GRK5: variants seen among roughly 807,000 people sequenced by gnomAD.
GRK5 encodes the protein g protein-coupled receptor kinase GRK5.
GRK5 carries 40 observed loss-of-function variants against 78.4 expected under a neutral mutation model. The observed-to-expected ratio is 0.51, with a 90% CI of 0.40 to 0.66. GRK5 has a LOEUF of 0.66. Ranked by LOEUF, GRK5 falls within the 30% of genes least tolerant of loss-of-function variation. GRK5 has a pLI of 0.00. For synonymous variants in GRK5, 289 were observed against 296.8 expected, an observed-to-expected ratio of 0.97 and a Z score of 0.27; for missense variants, 598 against 759.9, an observed-to-expected ratio of 0.79 and a Z score of 2.50.
chr10:119,316,672 GC>G (rs1353764743), intron 1 of GRK5, among the ~76,000 whole-genome samples: 7 of 152,328 alleles, frequency 4.6e-5, no homozygotes, highest in Non-Finnish European at 8.8e-5. Context: ...AGGGAGAGGT[GC>G]CCAGGGCAAG....
At chr10:119,297,727 T>C (rs1850107220) in intron 1 of GRK5, among the ~76,000 whole-genome samples, 1 of 152,206 alleles carries the variant, frequency 6.6e-6, no homozygotes, top group Admixed American at 6.5e-5. Flanking sequence ...CACAGAGTGA[T>C]GTAGCGCGAA....
intron 1 of GRK5, among the ~76,000 whole-genome samples, chr10:119,316,591 G>A (rs1026688777): frequency 2.0e-5 from 3 of 152,148 alleles, no homozygotes; most frequent in Non-Finnish European, 4.4e-5. Context: ...AGACTCCCTC[G>A]CAGAACCCAG....
At chr10:119,259,936 A>G (rs924717015) in intron 1 of GRK5, among the ~76,000 whole-genome samples, 9 of 152,214 alleles carry the variant, frequency 5.9e-5, no homozygotes, top group Admixed American at 6.5e-5. Context: ...TTCTATGAAC[A>G]TAAGTTGTCA....
At chr10:119,422,134 T>C (rs1371524352) in intron 4 of GRK5, among the ~76,000 whole-genome samples, 1 of 150,426 alleles carries the variant, frequency 6.6e-6, no homozygotes, top group East Asian at 2.0e-4. Flanking sequence ...TAAAAACCCA[T>C]CTCAAAGCCC....
chr10:119,447,760 C>T (rs11198929), intron 12 of GRK5, among the ~76,000 whole-genome samples: 50,465 of 152,106 alleles, frequency 0.33, 8,607 homozygotes, highest in Middle Eastern at 0.45. Flanking sequence ...TGCAAATTAG[C>T]TGAGTATGTG....
chr10:119,416,823 A>G (rs4752303), intron 4 of GRK5, among the ~76,000 whole-genome samples: 89,725 of 152,002 alleles, frequency 0.59, 27,383 homozygotes, highest in East Asian at 0.8. Flanking sequence ...CGAACTCCTG[A>G]CCTCAAGTGA....
chr10:119,391,062 A>G (rs1292563008), intron 3 of GRK5, among the ~76,000 whole-genome samples: 1 of 152,308 alleles, frequency 6.6e-6, no homozygotes, highest in African/African-American at 2.4e-5. Context: ...TGGCTGTGGT[A>G]CCTCAGGAAA....
At chr10:119,443,519 CCTCT>C in intron 11 of GRK5, 21 bp from the exon 12 acceptor site, 1 of 1,584,794 alleles carries the variant, frequency 6.3e-7, no homozygotes, top group Non-Finnish European at 8.6e-7. Flanking sequence ...CCTCCTCACT[CCTCT>C]CTCCTCTCCT....
intron 1 of GRK5, among the ~76,000 whole-genome samples, chr10:119,209,497 T>G (rs1216523596): frequency 1.1e-4 from 6 of 55,778 alleles, no homozygotes; most frequent in Admixed American, 6.8e-4. Context: ...GTTTTTTTTT[T>G]TTTTTTTTTT....
chr10:119,222,878 C>T (rs955499190), intron 1 of GRK5, among the ~76,000 whole-genome samples: 5 of 152,160 alleles, frequency 3.3e-5, no homozygotes, highest in African/African-American at 1.2e-4. Context: ...AAAAGGGGCC[C>T]GCATGGGTGG....
At chr10:119,419,406 G>A (rs971322154) in intron 4 of GRK5, among the ~76,000 whole-genome samples, 3 of 152,198 alleles carry the variant, frequency 2.0e-5, no homozygotes, top group South Asian at 2.1e-4. Context: ...ACAACTACTC[G>A]CTTCTTACCC....
chr10:119,318,191 C>T (rs1564889221), intron 1 of GRK5, among the ~76,000 whole-genome samples: 1 of 152,222 alleles, frequency 6.6e-6, no homozygotes. Context: ...GAACATTAGA[C>T]TAAGAGTCAG....
chr10:119,453,782 G>T (rs1889428), intron 15 of GRK5, among the ~76,000 whole-genome samples: 2 of 152,150 alleles, frequency 1.3e-5, no homozygotes, highest in East Asian at 3.9e-4. Flanking sequence ...AGAACTGGGG[G>T]TAGAAGCTGA....
chr10:119,330,172 C>T (rs951270180), intron 2 of GRK5: 1 of 152,096 alleles, frequency 6.6e-6, no homozygotes, highest in Admixed American at 6.6e-5. Flanking sequence ...TTTTCTCCTT[C>T]ATGTAACCTA....
chr10:119,403,036 A>T (rs1175529015), intron 4 of GRK5, among the ~76,000 whole-genome samples: 3 of 152,162 alleles, frequency 2.0e-5, no homozygotes, highest in Admixed American at 1.3e-4. Context: ...AAACTGTTGT[A>T]CCTGTTAGCA....
intron 2 of GRK5, among the ~76,000 whole-genome samples, chr10:119,353,616 C>T (rs576356389): frequency 9.2e-5 from 14 of 152,270 alleles, no homozygotes; most frequent in African/African-American, 2.4e-4. Context: ...GGTTCAGCTG[C>T]GGCCTCTGGC....
At chr10:119,255,732 C>CT (rs936572826) in intron 1 of GRK5, among the ~76,000 whole-genome samples, 1 of 152,186 alleles carries the variant, frequency 6.6e-6, no homozygotes, top group African/African-American at 2.4e-5. Flanking sequence ...ACACGGGCTC[C>CT]TTGAGGGACA....
intron 9 of GRK5, 29 bp downstream of exon 9, chr10:119,436,870 G>T: frequency 6.4e-7 from 1 of 1,559,284 alleles, no homozygotes; most frequent in Non-Finnish European, 8.7e-7. Flanking sequence ...GGACTTCCAA[G>T]TCTAAGTCCG....
intron 4 of GRK5, among the ~76,000 whole-genome samples, chr10:119,410,239 G>T (rs1166664808): frequency 6.6e-6 from 1 of 152,188 alleles, no homozygotes; most frequent in African/African-American, 2.4e-5. Context: ...GGGTCACTGT[G>T]TATTTTCCTT....
Sources: gnomAD v4.1 joint callset for allele counts (sites outside exome capture counted in the v4.1 genomes callset) on GRCh38, gnomAD v4.1.1 for gene constraint, MANE v1.5 for transcripts, NCBI Gene and HGNC (gene_info 2026-07-23, HGNC 2026-07-21) for gene names.